METTL15: variants seen among roughly 807,000 people sequenced by gnomAD.
METTL15 encodes methyltransferase 15, mitochondrial 12S rRNA N4-cytidine, also known as 12S rRNA N(4)-cytidine methyltransferase METTL15.
Under a neutral mutation model 38.3 loss-of-function variants are expected in METTL15, and 34 were observed. That is an observed-to-expected ratio of 0.89 (90% CI 0.68 to 1.18). METTL15 has a LOEUF of 1.18. METTL15 is among the 50% of genes most tolerant of loss of function. The pLI is 0.00. For missense variants in METTL15, 438 were observed against 498.4 expected, an observed-to-expected ratio of 0.88 and a Z score of 1.15; for synonymous variants, 162 against 170.9, an observed-to-expected ratio of 0.95 and a Z score of 0.41.
chr11:28,418,648 G>T (rs1014110697), intron 5 of METTL15, among the ~76,000 whole-genome samples: 2 of 152,128 alleles, frequency 1.3e-5, no homozygotes, highest in Non-Finnish European at 2.9e-5. Flanking sequence ...CCTGGTTTTA[G>T]CTTTATGTTG....
At chr11:28,151,006 C>CAAAAAAA (rs34906623) in intron 3 of METTL15, among the ~76,000 whole-genome samples, 26 of 84,204 alleles carry the variant, frequency 3.1e-4, no homozygotes, top group Non-Finnish European at 3.8e-4. Context: ...CAACAGTGAC[C>CAAAAAAA]AAAAAAAAAA....
At chr11:28,216,006 A>G (rs1336372005) in intron 4 of METTL15, among the ~76,000 whole-genome samples, 1 of 152,182 alleles carries the variant, frequency 6.6e-6, no homozygotes, top group Non-Finnish European at 1.5e-5. Flanking sequence ...TCCTGTCTCA[A>G]GATGGGTGGA....
intron 6 of METTL15, among the ~76,000 whole-genome samples, chr11:28,484,984 G>C (rs901131897): frequency 6.6e-6 from 1 of 152,030 alleles, no homozygotes; most frequent in Non-Finnish European, 1.5e-5. Context: ...GACAAATAAA[G>C]GGCTAAACTG....
intron 5 of METTL15, among the ~76,000 whole-genome samples, chr11:28,402,636 TA>T (rs1408713179): frequency 6.6e-6 from 1 of 151,960 alleles, no homozygotes; most frequent in Non-Finnish European, 1.5e-5. Context: ...TAACTTTTTT[TA>T]ATTTTAATTT....
At chr11:28,476,433 G>T (rs1229584380) in intron 6 of METTL15, among the ~76,000 whole-genome samples, 1 of 152,124 alleles carries the variant, frequency 6.6e-6, no homozygotes, top group Non-Finnish European at 1.5e-5. Context: ...TTCTTATTTG[G>T]TATTATTGAT....
In METTL15 at chr11:28,430,505, G is replaced by T. The variant is rs1407375287; in HGVS notation, c.*424+6141G>T. Among the ~76,000 whole-genome samples, 4 of 3,686 alleles carry T rather than the reference G, an allele frequency of 1.1e-3. No individual in the cohort carries two copies. The East Asian group carries it at 0.03, about 28-fold the overall frequency. The allele number at this position is 3,686 out of a possible 152,430, so 2.4% of individuals were successfully genotyped here. ...ACCCCGTCCGGGAGGGAGATGGGGG[G>T]GTCAGCCCCCCACCCGGCCAGCCGC... On this transcript the variant is annotated intron_variant and NMD_transcript_variant, in intron 6 of 7. Coordinates refer to the METTL15 transcript ENST00000532947.
rs1351044101 is a variant in METTL15 at position 28,331,671 on chromosome 11, C to T, written c.*830C>T. On this transcript the variant is annotated 3_prime_UTR_variant, in exon 7 of 7. Coordinates refer to ENST00000407364, the MANE Select transcript of METTL15 (RefSeq NM_001113528.2). The stretch of plus-strand genomic sequence containing the variant: ...TATTTAATATAGTAAAATCAATGCT[C>T]CCTTAATGTTGTTACAAAGATATGG... 2 of 151,912 alleles carry T rather than the reference C, an allele frequency of 1.3e-5. No individual in the cohort carries two copies. Among genetic ancestry groups the T allele is most frequent in the Non-Finnish European group, 2.9e-5 (2 of 67,916 alleles). The allele number at this position is 151,912 out of a possible 1,614,324, so 9.4% of individuals were successfully genotyped here.
chr11:28,253,176 G>T (rs545444276), intron 4 of METTL15, among the ~76,000 whole-genome samples: 29 of 152,200 alleles, frequency 1.9e-4, no homozygotes, highest in African/African-American at 7.0e-4. Context: ...AGTCTAATTA[G>T]CTACTTGAAA....
intron 4 of METTL15, among the ~76,000 whole-genome samples, chr11:28,265,576 CATACTT>C (rs1236882286): frequency 3.3e-5 from 5 of 151,856 alleles, no homozygotes; most frequent in Admixed American, 6.6e-5. Context: ...AATATTAAAA[CATACTT>C]ATATCATGTC....
chr11:28,302,494 G>A (rs1047820866), intron 6 of METTL15, among the ~76,000 whole-genome samples: 5 of 152,064 alleles, frequency 3.3e-5, no homozygotes, highest in African/African-American at 1.2e-4. Context: ...TTCCCGTGCT[G>A]TTCTCATGAT....
At chr11:28,386,935 T>C (rs970070234) in intron 5 of METTL15, among the ~76,000 whole-genome samples, 2 of 151,968 alleles carry the variant, frequency 1.3e-5, no homozygotes, top group African/African-American at 4.8e-5. Context: ...TATGTGAAAA[T>C]TAAGAACACT....
At chr11:28,176,887 A>T (rs1473259964) in intron 3 of METTL15, among the ~76,000 whole-genome samples, 8 of 152,158 alleles carry the variant, frequency 5.3e-5, no homozygotes, top group Admixed American at 2.6e-4. Flanking sequence ...CTTGATAAAT[A>T]CTACCTGTTA....
chr11:28,490,337 T>C (rs1851484303), intron 6 of METTL15, among the ~76,000 whole-genome samples: 1 of 152,166 alleles, frequency 6.6e-6, no homozygotes. Context: ...TCCTTGTAGC[T>C]GTAGACCCTC....
At chr11:28,168,307 G>A (rs1231066439) in intron 3 of METTL15, among the ~76,000 whole-genome samples, 1 of 151,374 alleles carries the variant, frequency 6.6e-6, no homozygotes, top group South Asian at 2.1e-4. Context: ...AATTTCATTA[G>A]CAAGTAAGCA....
Position 28,509,368 on chromosome 11 carries a change from A to G in METTL15, c.*425-17110A>G, listed in dbSNP as rs77836937. 7.9e-3 allele frequency among the ~76,000 whole-genome samples: 1,205 copies of G among 152,246 alleles called. 23 individuals carry two copies. The highest frequency in any genetic ancestry group is 0.027 in the African/African-American group (1,133 of 41,536). On this transcript the variant is annotated intron_variant and NMD_transcript_variant, in intron 6 of 7. Coordinates refer to the METTL15 transcript ENST00000532947. ...CAGCATAGTGCTTAGCACAAAGTCA[A>G]TGTGTAATTGATGTATGATGAGTGA...
chr11:28,273,607 A>G (rs1276992031), intron 4 of METTL15, among the ~76,000 whole-genome samples: 1 of 152,052 alleles, frequency 6.6e-6, no homozygotes, highest in Admixed American at 6.6e-5. Context: ...GGCTGAAAAT[A>G]TATTTTGTAC....
At chr11:28,117,469 T>G (rs1422503035) in intron 3 of METTL15, among the ~76,000 whole-genome samples, 1 of 151,986 alleles carries the variant, frequency 6.6e-6, no homozygotes, top group Non-Finnish European at 1.5e-5. Context: ...AAAAACAAAT[T>G]GCACTACATC....
intron 5 of METTL15, among the ~76,000 whole-genome samples, chr11:28,393,682 G>A (rs563209258): frequency 6.6e-6 from 1 of 152,138 alleles, no homozygotes; most frequent in East Asian, 1.9e-4. Flanking sequence ...AGAGACCAAG[G>A]CAGAAGCCAT....
At chr11:28,318,247 T>C (rs1216401797) in intron 6 of METTL15, among the ~76,000 whole-genome samples, 1 of 152,138 alleles carries the variant, frequency 6.6e-6, no homozygotes, top group Non-Finnish European at 1.5e-5. Flanking sequence ...CCACCTGCTG[T>C]GTACCAGGCC....
Sources: allele counts gnomAD v4.1 joint callset (sites outside exome capture counted in the v4.1 genomes callset), GRCh38; gene constraint gnomAD v4.1.1; transcripts MANE v1.5; gene names NCBI Gene and HGNC (gene_info 2026-07-23, HGNC 2026-07-21).